Variants in RPGRIP1 observed in about 807,000 individuals in gnomAD.
RPGRIP1 encodes RPGR interacting protein 1, also known as X-linked retinitis pigmentosa GTPase regulator-interacting protein 1.
A neutral mutation model predicts 157.9 loss-of-function variants in RPGRIP1; 128 were observed. That is an observed-to-expected ratio of 0.81 (90% CI 0.70 to 0.94). RPGRIP1 has a LOEUF of 0.94. RPGRIP1 is among the 40% of genes least tolerant of loss of function. RPGRIP1 has a pLI of 0.00. For missense variants in RPGRIP1, 1,486 were observed against 1,545.8 expected (o/e 0.96, Z 0.65); for synonymous variants, 554 against 571.6 (o/e 0.97, Z 0.44).
intron 1 of RPGRIP1, among the ~76,000 whole-genome samples, chr14:21,283,879 C>T (rs1434965542): frequency 6.6e-6 from 1 of 152,108 alleles, no homozygotes; most frequent in African/African-American, 2.4e-5. Flanking sequence ...GATCCATCCG[C>T]CTCAGCCTCC....
rs67923336 is a variant in RPGRIP1, at chr14:21,284,540, A to ATTTTTTTT, written c.-38-3386_-38-3379dup. On this transcript the variant is annotated intron_variant, in intron 1 of 24. Coordinates refer to ENST00000400017, the MANE Select transcript of RPGRIP1 (RefSeq NM_020366.4). ...CTGAAAGTCAAGGCTGGAGAACTAA[A>ATTTTTTTT]TTTTTTTTTTTTTTTTTTTTGAAGA... Among the ~76,000 whole-genome samples the ATTTTTTTT allele has an allele frequency of 3.1e-5, 4 of 130,462 alleles. 1 individual carries two copies. Among genetic ancestry groups the ATTTTTTTT allele is most frequent in the African/African-American group, 8.6e-5 (3 of 34,996 alleles). 85.6% of individuals were successfully genotyped at this position (130,462 alleles called of 152,430 possible).
intron 2 of RPGRIP1, among the ~76,000 whole-genome samples, chr14:21,288,544 C>T (rs1169300233): frequency 6.8e-6 from 1 of 148,138 alleles, no homozygotes; most frequent in Admixed American, 6.8e-5. Flanking sequence ...GAGTTTCACT[C>T]TCTCTCGTCC....
chr14:21,333,000 T>C (rs900535361), intron 20 of RPGRIP1, among the ~76,000 whole-genome samples: 1 of 152,090 alleles, frequency 6.6e-6, no homozygotes, highest in African/African-American at 2.4e-5. Context: ...TCTGAGAAGC[T>C]GAGGCAGGAG....
chr14:21,337,435 A>G (rs1382643086), intron 21 of RPGRIP1, among the ~76,000 whole-genome samples: 1 of 133,468 alleles, frequency 7.5e-6, no homozygotes, highest in Non-Finnish European at 1.6e-5. Flanking sequence ...TCTCAATGTT[A>G]AGCTTTTTTT....
chr14:21,295,719 G>A (rs1281984247), intron 3 of RPGRIP1, among the ~76,000 whole-genome samples: 6 of 151,718 alleles, frequency 4.0e-5, no homozygotes, highest in East Asian at 1.9e-4. Context: ...CAGGTGATCC[G>A]CCTGCCTCGG....
chr14:21,294,644 A>G (rs1418177845), intron 2 of RPGRIP1, 33 bp from the exon 3 acceptor site: 2 of 1,608,166 alleles, frequency 1.2e-6, no homozygotes, highest in Non-Finnish European at 1.7e-6. Flanking sequence ...AGGTGTAAAA[A>G]TACTGTCCAT....
At chr14:21,345,883 A>C (rs1296563003) in intron 23 of RPGRIP1, among the ~76,000 whole-genome samples, 1 of 151,198 alleles carries the variant, frequency 6.6e-6, no homozygotes, top group African/African-American at 2.4e-5. Context: ...GCAGTGGTAC[A>C]ATCTTGGCTC....
intron 23 of RPGRIP1, among the ~76,000 whole-genome samples, chr14:21,345,792 A>G (rs2139353704): frequency 6.6e-6 from 1 of 151,768 alleles, no homozygotes; most frequent in African/African-American, 2.4e-5. Context: ...AATATTGACA[A>G]TGCCCAAATG....
At chr14:21,312,996 C>T (rs1351200979) in intron 10 of RPGRIP1, among the ~76,000 whole-genome samples, 5 of 151,914 alleles carry the variant, frequency 3.3e-5, no homozygotes, top group Non-Finnish European at 7.4e-5. Flanking sequence ...CCACACCTGG[C>T]TAATTTTTTT....
intron 17 of RPGRIP1, among the ~76,000 whole-genome samples, chr14:21,327,199 A>G (rs1344602922): frequency 6.6e-6 from 1 of 152,234 alleles, no homozygotes; most frequent in African/African-American, 2.4e-5. Flanking sequence ...GTTACAAATC[A>G]GACATCTGGC....
At chr14:21,304,658 C>G (rs1156572922) in intron 6 of RPGRIP1, among the ~76,000 whole-genome samples, 1 of 152,104 alleles carries the variant, frequency 6.6e-6, no homozygotes, top group Non-Finnish European at 1.5e-5. Context: ...TACCCATTGC[C>G]TCCATACACA....
Position 21,343,073 on chromosome 14 carries a change from CCTTCTACCCAGAGG to C in RPGRIP1, c.3379_3392del (p.Phe1127ArgfsTer5). The C allele has an allele frequency of 6.2e-7, 1 of 1,612,620 alleles. No individual in the cohort carries two copies. Among genetic ancestry groups the C allele is most frequent in the African/African-American group, 1.3e-5 (1 of 74,988 alleles). On this transcript the variant is annotated frameshift_variant, in exon 22 of 25. Transcript: ENST00000400017. LOFTEE classifies it high-confidence loss of function. ...ATGTGCATTGAAATTGTCTCCCTGG[CCTTCTACCCAGAGG>C]CAGAAGTGATGTCTGATGAGAACAT... is the stretch of plus-strand genomic sequence containing the variant.
chr14:21,306,036 C>A (rs1881284095), intron 6 of RPGRIP1, among the ~76,000 whole-genome samples: 1 of 149,294 alleles, frequency 6.7e-6, no homozygotes, highest in African/African-American at 2.5e-5. Context: ...GGAGTGAACC[C>A]AAATCCTCCC....
At chr14:21,292,970 C>A (rs1051127804) in intron 2 of RPGRIP1, among the ~76,000 whole-genome samples, 2 of 152,044 alleles carry the variant, frequency 1.3e-5, no homozygotes, top group African/African-American at 4.8e-5. Flanking sequence ...CATGGTGAAA[C>A]CCCATCTCTA....
chr14:21,340,662 A>G (rs1884904554), intron 21 of RPGRIP1, among the ~76,000 whole-genome samples: 1 of 152,190 alleles, frequency 6.6e-6, no homozygotes, highest in Admixed American at 6.6e-5. Flanking sequence ...CTCTAAATAA[A>G]TAAATACAGA....
intron 13 of RPGRIP1, 95 bp downstream of exon 13, chr14:21,321,497 CTGATACCAGG>C: frequency 6.6e-7 from 1 of 1,518,216 alleles, no homozygotes; most frequent in East Asian, 2.3e-5. Context: ...GTTTCCAGGG[CTGATACCAGG>C]TGATGTGCTA....
intron 23 of RPGRIP1, among the ~76,000 whole-genome samples, chr14:21,346,498 G>A (rs1005545922): frequency 1.3e-5 from 2 of 152,304 alleles, no homozygotes; most frequent in Non-Finnish European, 2.9e-5. Context: ...GTTGCAGTGA[G>A]CTAAGATTGT....
At chr14:21,323,161 C>T (rs1882684835) in intron 14 of RPGRIP1, among the ~76,000 whole-genome samples, 2 of 152,114 alleles carry the variant, frequency 1.3e-5, no homozygotes, top group Non-Finnish European at 2.9e-5. Flanking sequence ...GTGGCTCACA[C>T]CTGTAATCCC....
intron 1 of RPGRIP1, among the ~76,000 whole-genome samples, chr14:21,287,624 G>T (rs980145488): frequency 3.9e-5 from 6 of 152,104 alleles, no homozygotes; most frequent in Admixed American, 3.9e-4. Context: ...TGGAGAGAGG[G>T]ATAGAGGCCT....
Sources: allele counts gnomAD v4.1 joint callset (sites outside exome capture counted in the v4.1 genomes callset), GRCh38; gene constraint gnomAD v4.1.1; transcripts MANE v1.5; gene names NCBI Gene and HGNC (gene_info 2026-07-23, HGNC 2026-07-21).